CASZ1: variants seen among roughly 807,000 people sequenced by gnomAD.
CASZ1 encodes zinc finger protein castor homolog 1.
CASZ1 carries 28 observed loss-of-function variants against 135.2 expected under a neutral mutation model. The observed-to-expected ratio is 0.21, with a 90% CI of 0.15 to 0.28. CASZ1 has a LOEUF of 0.28. CASZ1 is among the 10% of genes least tolerant of loss of function. The pLI is 1.00. For missense variants in CASZ1, 2,161 were observed against 2,453.3 expected (o/e 0.88, Z 2.52); for synonymous variants, 1,068 against 1,073.4 (o/e 0.99, Z 0.10).
In CASZ1 at chr1:10,649,209, G is replaced by GCGT; in HGVS notation, c.3036-20_3036-18dup. 1 of 1,612,712 alleles carries GCGT rather than the reference G, an allele frequency of 6.2e-7. No homozygotes were observed. The highest frequency in any genetic ancestry group is 8.5e-7 in the Non-Finnish European group (1 of 1,179,296). The stretch of plus-strand genomic sequence containing the variant: ...GTACCAAACCTAGCCAGAGGAGCTG[G>GCGT]CGTTAGAGGAGAGCCTGGGGCTCCA... On this transcript the variant is annotated splice_polypyrimidine_tract_variant and intron_variant, in intron 14 of 20. Coordinates refer to ENST00000377022, the MANE Select transcript of CASZ1 (RefSeq NM_001079843.3).
chr1:10,728,540 G>A (rs1046334251), intron 2 of CASZ1, among the ~76,000 whole-genome samples: 3 of 152,164 alleles, frequency 2.0e-5, no homozygotes, highest in African/African-American at 7.2e-5. Flanking sequence ...CTCCCCAGCT[G>A]TCTACTGGCC....
chr1:10,708,453 G>A (rs1389067083), intron 2 of CASZ1, among the ~76,000 whole-genome samples: 3 of 152,234 alleles, frequency 2.0e-5, no homozygotes, highest in South Asian at 2.1e-4. Flanking sequence ...AGGGATGTGA[G>A]GAGGAGGAAA....
chr1:10,785,508 C>T (rs1370782211), intron 1 of CASZ1, among the ~76,000 whole-genome samples: 4 of 152,200 alleles, frequency 2.6e-5, no homozygotes, highest in Admixed American at 2.0e-4. Flanking sequence ...AAGTGCCCCT[C>T]GCCCCTCCAG....
At chr1:10,673,660 A>G (rs1643477352) in intron 4 of CASZ1, among the ~76,000 whole-genome samples, 1 of 152,160 alleles carries the variant, frequency 6.6e-6, no homozygotes, top group Admixed American at 6.5e-5. Context: ...TGGAAAAGGA[A>G]AACCTCAGCG....
Position 10,639,519 on chromosome 1 carries a change from C to T in CASZ1, c.4703G>A (p.Cys1568Tyr). The change falls in exon 21 of 21, where the codon TGC (cysteine) becomes TAC (tyrosine). Residue 1568 changes from cysteine (C) to tyrosine (Y), a missense_variant. Around this residue, in one of 7 missense-constraint regions of CASZ1, gnomAD observed 240 missense variants for 321.4 expected, o/e 0.75. Coordinates refer to ENST00000377022, the MANE Select transcript of CASZ1 (RefSeq NM_001079843.3). The surrounding 1 kb of genome is among the most constrained non-coding windows in gnomAD (Gnocchi z 4.0). ...CGGGAAGGTGCAGTGGAAGTGCGAG[C>T]ACTTGAGCTTGTACTTGCAGTCGGG... is the stretch of plus-strand genomic sequence containing the variant. ...AVPDCKYKLK[C>Y]SHFHCTFPGC... The T allele has an allele frequency of 6.2e-7, 1 of 1,611,812 alleles. No homozygotes were observed. Among genetic ancestry groups the T allele is most frequent in the Non-Finnish European group, 8.5e-7 (1 of 1,179,324 alleles).
Position 10,759,767 on chromosome 1 carries a change from G to A in CASZ1, c.-77+934C>T, listed in dbSNP as rs888279603. Among the ~76,000 whole-genome samples, 16 of 152,214 alleles carry A rather than the reference G, an allele frequency of 1.1e-4. No homozygotes were observed. Among genetic ancestry groups the A allele is most frequent in the African/African-American group, 3.4e-4 (14 of 41,516 alleles). ...ATGGGGAGGAAGAGCGCAGGCAGGT[G>A]AGCCAGGGACACCGGCTCCAGGCTG... On this transcript the variant is annotated intron_variant, in intron 2 of 20. Coordinates refer to ENST00000377022, the MANE Select transcript of CASZ1 (RefSeq NM_001079843.3). The surrounding 1 kb of genome is among the most constrained non-coding windows in gnomAD (Gnocchi z 4.2).
chr1:10,654,243 C>G, intron 10 of CASZ1, 25 bp from the exon 11 acceptor site: 1 of 1,610,058 alleles, frequency 6.2e-7, no homozygotes. Flanking sequence ...GGGAGCCTGT[C>G]ATGAGACCCA....
intron 20 of CASZ1, 34 bp from the exon 21 acceptor site, chr1:10,640,093 G>C (rs1478735753): frequency 1.3e-6 from 2 of 1,572,996 alleles, no homozygotes; most frequent in South Asian, 2.3e-5. Flanking sequence ...TGCAGAAGAG[G>C]GACCCACGTG....
intron 4 of CASZ1, among the ~76,000 whole-genome samples, chr1:10,682,677 C>T (rs1324742834): frequency 6.6e-6 from 1 of 152,226 alleles, no homozygotes; most frequent in Non-Finnish European, 1.5e-5. Flanking sequence ...GAGCCTGTCT[C>T]AATCTGTCCC....
rs1557544591 is a variant in CASZ1, at chr1:10,741,857, C to T, written c.-77+18844G>A. On this transcript the variant is annotated intron_variant, in intron 2 of 20. Transcript: ENST00000377022. The surrounding 1 kb of genome is among the most constrained non-coding windows in gnomAD (Gnocchi z 5.0). ...TCTCATCTGAATTATTTTTTGCTTA[C>T]TGGGCAGTTTGTGCGTATCTGTGTG... Among the ~76,000 whole-genome samples the T allele has an allele frequency of 6.6e-6, 1 of 151,978 alleles. No homozygotes were observed. Among genetic ancestry groups the T allele is most frequent in the Non-Finnish European group, 1.5e-5 (1 of 68,018 alleles).
At chr1:10,653,334 T>C (rs772849910) in intron 11 of CASZ1, 43 bp downstream of exon 11, 6 of 1,604,812 alleles carry the variant, frequency 3.7e-6, no homozygotes, top group Non-Finnish European at 5.1e-6. Context: ...GCCACCCCAG[T>C]CCAGAAGGTG....
At chr1:10,782,956 C>T (rs1640788793) in intron 1 of CASZ1, among the ~76,000 whole-genome samples, 1 of 152,172 alleles carries the variant, frequency 6.6e-6, no homozygotes, top group Admixed American at 6.5e-5. Flanking sequence ...TGTTTTCTAC[C>T]CACTGCCAAA....
In CASZ1 at chr1:10,653,739, G is replaced by A; in HGVS notation, c.2318C>T (p.Ser773Leu). The A allele has an allele frequency of 6.2e-7, 1 of 1,609,024 alleles. No homozygotes were observed. Among genetic ancestry groups the A allele is most frequent in the Non-Finnish European group, 8.5e-7 (1 of 1,177,516 alleles). The change falls in exon 11 of 21, where the codon TCG becomes TTG. Residue 773 changes from serine to leucine, a missense_variant. Physicochemically the swap from Ser to Leu is moderately radical, Grantham distance 145. This residue lies in a region of CASZ1 where 406 missense variants were observed against 387.6 expected (regional missense o/e 1.05). Transcript: ENST00000377022. Reference sequence around the variant, plus strand: ...AGGCAGGCCCTGGGGCAGCAGCCCCGAGATCTTGCTGTTGGGAGGTTTGGT... The same window carrying A: ...AGGCAGGCCCTGGGGCAGCAGCCCCAAGATCTTGCTGTTGGGAGGTTTGGT... ...SATKPPNSKISGLLPQGLPGS... is the reference protein window; with the variant it reads ...SATKPPNSKILGLLPQGLPGS...
rs1246925296 is a variant in CASZ1, at chr1:10,694,908, C to T, written c.-23-996G>A. On this transcript the variant is annotated intron_variant, in intron 3 of 20. Transcript: ENST00000377022. This position sits in a 1 kb window ranked among gnomAD's most constrained non-coding sequence, Gnocchi z 6.6. ...CCGGCCGCCGGCGGCCGCGCGCGCG[C>T]TCGCATGCTGCCAGCGGCCGCTCGG... Among the ~76,000 whole-genome samples the T allele has an allele frequency of 1.4e-5, 2 of 143,908 alleles. No individual in the cohort carries two copies. Among genetic ancestry groups the T allele is most frequent in the Non-Finnish European group, 3.1e-5 (2 of 64,856 alleles). The allele number at this position is 143,908 out of a possible 152,430, so 94.4% of individuals were successfully genotyped here. A position where few individuals can be genotyped will look rare whatever the true frequency, so the allele number is the denominator to read the frequency against.
intron 2 of CASZ1, among the ~76,000 whole-genome samples, chr1:10,732,797 CCA>C (rs1639725625): frequency 6.6e-6 from 1 of 152,156 alleles, no homozygotes. Context: ...CTGCCCTGGG[CCA>C]CACTTGCCCC....
intron 2 of CASZ1, among the ~76,000 whole-genome samples, chr1:10,746,746 G>T (rs933704379): frequency 3.3e-5 from 5 of 152,374 alleles, no homozygotes; most frequent in African/African-American, 1.2e-4. Flanking sequence ...ACAGAGCGGA[G>T]GGTGAGCTTT....
chr1:10,650,582 C>G, intron 13 of CASZ1, 110 bp downstream of exon 13: 2 of 883,734 alleles, frequency 2.3e-6, no homozygotes, highest in Admixed American at 3.7e-5. Flanking sequence ...GGTACAAACT[C>G]ATCTTATTAG....
At chr1:10,781,069 C>T (rs1349664991) in intron 1 of CASZ1, among the ~76,000 whole-genome samples, 1 of 152,234 alleles carries the variant, frequency 6.6e-6, no homozygotes, top group Non-Finnish European at 1.5e-5. Context: ...CTTCACCTGT[C>T]TCCCCGCTCC....
chr1:10,734,369 G>GT (rs562978070), intron 2 of CASZ1, among the ~76,000 whole-genome samples: 31 of 145,418 alleles, frequency 2.1e-4, no homozygotes, highest in Non-Finnish European at 3.0e-4. Flanking sequence ...TTTTTATTTT[G>GT]TTTTTTTTCG....
Sources: gnomAD v4.1 joint callset for allele counts (sites outside exome capture counted in the v4.1 genomes callset) on GRCh38, gnomAD v4.1.1 for gene constraint, gnomAD v4.1.1 regional missense constraint, Gnocchi (gnomAD v3.1) non-coding constraint, MANE v1.5 for transcripts, NCBI Gene and HGNC (gene_info 2026-07-23, HGNC 2026-07-21) for gene names.